THBS3: variants seen among roughly 807,000 people sequenced by gnomAD.
THBS3 encodes the protein thrombospondin 3.
A neutral mutation model predicts 118.3 loss-of-function variants in THBS3; 78 were observed. The observed-to-expected ratio is 0.66, with a 90% confidence interval of 0.55 to 0.80. The LOEUF is 0.80. Among genes scored for constraint, THBS3 ranks in the 30% least tolerant of loss-of-function variants. The pLI is 0.00. For missense variants in THBS3, 1,057 were observed against 1,247.4 expected (o/e 0.85, Z 2.30); for synonymous variants, 427 against 475.3 (o/e 0.90, Z 1.32).
chr1:155,197,128 A>G lies in THBS3; in HGVS notation c.2585T>C (p.Leu862Pro). Residue 862 changes from leucine (L) to proline (P), a missense_variant, in exon 21 of 23, where the codon CTG becomes CCG. Coordinates refer to ENST00000368378, the MANE Select transcript of THBS3 (RefSeq NM_007112.5). This position sits in a 1 kb window ranked among gnomAD's most constrained non-coding sequence, Gnocchi z 5.0. The stretch of plus-strand genomic sequence containing the variant: ...GCCCACATTTCGTGGGTCTGTCCAC[A>G]GCAGTCGTACCTGATCAGGGGTGTG... ...TGHTPDQVRL[L>P]WTDPRNVGWR... The G allele has an allele frequency of 6.2e-7, 1 of 1,614,198 alleles. No individual in the cohort carries two copies. The highest frequency in any genetic ancestry group is 8.5e-7 in the Non-Finnish European group (1 of 1,180,034).
In THBS3 at chr1:155,207,433, G is replaced by A. The variant is rs748785140; in HGVS notation, c.79+365C>T. Among the ~76,000 whole-genome samples, 3 of 152,008 alleles carry A rather than the reference G, an allele frequency of 2.0e-5. No homozygotes were observed. The East Asian group carries it at 5.8e-4, about 29-fold the overall frequency. Reference sequence around the variant, plus strand: ...CCCCGCCCTGTCCTTGGGCAGCCAGGAGCCCAGGGGGACGAAGCCCAGGGA... The same window carrying A: ...CCCCGCCCTGTCCTTGGGCAGCCAGAAGCCCAGGGGGACGAAGCCCAGGGA... On this transcript the variant is annotated intron_variant, in intron 1 of 22. Transcript: ENST00000368378.
rs1669738295 is a variant in THBS3 at position 155,201,596 on chromosome 1, G to A, written c.1177-27C>T. ...TAAGAGTGGAGAGGCAGCATCTTAGGAAGGAGGGTGAGCCCACCAGGCACC... is the reference window on the plus strand; with the variant it reads ...TAAGAGTGGAGAGGCAGCATCTTAGAAAGGAGGGTGAGCCCACCAGGCACC... On this transcript the variant is annotated intron_variant, in intron 10 of 22. Coordinates refer to ENST00000368378, the MANE Select transcript of THBS3 (RefSeq NM_007112.5). The A allele has an allele frequency of 3.7e-6, 6 of 1,605,606 alleles. No homozygotes were observed. In the East Asian group the frequency reaches 1.1e-4, roughly 30 times the overall value.
In THBS3 at chr1:155,197,770, C is replaced by A; in HGVS notation, c.2302+110G>T. The stretch of plus-strand genomic sequence containing the variant: ...TGTATGTGGCCAGCTTGTGCCACTG[C>A]CTTCTCTCTCGCCACTTTGCCCATT... On this transcript the variant is annotated intron_variant, in intron 19 of 22. Transcript: ENST00000368378. The surrounding 1 kb of genome is among the most constrained non-coding windows in gnomAD (Gnocchi z 5.0). 6.3e-7 allele frequency: 1 copy of A among 1,589,074 alleles called. No individual in the cohort carries two copies. The highest frequency in any genetic ancestry group is 1.1e-5 in the South Asian group (1 of 90,334).
intron 16 of THBS3, among the ~76,000 whole-genome samples, chr1:155,199,312 A>C (rs1278073066): frequency 2.0e-5 from 3 of 151,124 alleles, no homozygotes; most frequent in Non-Finnish European, 2.9e-5. Flanking sequence ...TGGGAGGCTG[A>C]GGCAGAAGAA....
Position 155,206,094 on chromosome 1 carries a change from G to A in THBS3, c.286+106C>T, listed in dbSNP as rs868237674. 12 of 1,351,822 alleles carry A rather than the reference G, an allele frequency of 8.9e-6. No individual in the cohort carries two copies. In the Middle Eastern group the frequency reaches 7.8e-4, roughly 88 times the overall value. 83.7% of individuals were successfully genotyped at this position (1,351,822 alleles called of 1,614,324 possible). A position where few individuals can be genotyped will look rare whatever the true frequency, so the allele number is the denominator to read the frequency against. On this transcript the variant is annotated intron_variant, in intron 2 of 22. Transcript: ENST00000368378. This position sits in a 1 kb window ranked among gnomAD's most constrained non-coding sequence, Gnocchi z 4.2. ...CTGGGCACAGCCTGATGGGACCTTG[G>A]TCCCTAGTGGAGGCCAAGGAGAATG... is the stretch of plus-strand genomic sequence containing the variant.
Position 155,197,609 on chromosome 1 carries a change from T to C in THBS3, c.2353A>G (p.Thr785Ala). Reference sequence around the variant, plus strand: ...CCTGCGTAGTCATCATCAGTCACTGTGTTCACATGGAAGGTGCCTTCAAAG... The same window carrying C: ...CCTGCGTAGTCATCATCAGTCACTGCGTTCACATGGAAGGTGCCTTCAAAG... ...VDFEGTFHVN[T>A]VTDDDYAGFL... The change falls in exon 20 of 23, where the codon ACA (threonine) becomes GCA (alanine). Residue 785 changes from threonine to alanine, a missense_variant. This residue lies in a region of THBS3 where 307 missense variants were observed against 326.1 expected (regional missense o/e 0.94). Coordinates refer to ENST00000368378, the MANE Select transcript of THBS3 (RefSeq NM_007112.5). The surrounding 1 kb of genome is among the most constrained non-coding windows in gnomAD (Gnocchi z 5.0). 6.2e-7 allele frequency: 1 copy of C among 1,613,486 alleles called. No individual in the cohort carries two copies. Among genetic ancestry groups the C allele is most frequent in the Non-Finnish European group, 8.5e-7 (1 of 1,179,896 alleles).
rs1668783066 is a variant in THBS3, at chr1:155,197,009, G to A, written c.2672+32C>T. 1 of 1,602,402 alleles carries A rather than the reference G, an allele frequency of 6.2e-7. No individual in the cohort carries two copies. Among genetic ancestry groups the A allele is most frequent in the Non-Finnish European group, 8.5e-7 (1 of 1,171,042 alleles). ...AAGAGGAAGGACAGGCCCGGCCTGA[G>A]TCCCACAGGTGGGCTCAGCCCCTCT... On this transcript the variant is annotated intron_variant, in intron 21 of 22. Transcript: ENST00000368378. The surrounding 1 kb of genome is among the most constrained non-coding windows in gnomAD (Gnocchi z 5.0).
chr1:155,201,337 C>T, intron 11 of THBS3, 80 bp downstream of exon 11: 2 of 1,569,100 alleles, frequency 1.3e-6, no homozygotes, highest in Non-Finnish European at 1.7e-6. Flanking sequence ...CTATGAAGAC[C>T]CCCAACCCAG....
In THBS3 at chr1:155,205,069, C is replaced by A; in HGVS notation, c.534G>T (p.Leu178Phe). 6.2e-7 allele frequency: 1 copy of A among 1,613,484 alleles called. No homozygotes were observed. Among genetic ancestry groups the A allele is most frequent in the Non-Finnish European group, 8.5e-7 (1 of 1,179,610 alleles). The change falls in exon 3 of 23, where the codon TTG becomes TTT. Residue 178 changes from leucine (L) to phenylalanine (F), a missense_variant. By Grantham distance (22) the Leu-to-Phe change is conservative (BLOSUM62 0). Transcript: ENST00000368378. ...GCTCCTCCCGGCTCACCTGCATCCTCAAATACGCCTTCTGTCCAGTCCTAA... is the reference window on the plus strand; with the variant it reads ...GCTCCTCCCGGCTCACCTGCATCCTAAAATACGCCTTCTGTCCAGTCCTAA... ...LEIRTGQKAY[L>F]RMQGFVESMK...
chr1:155,202,728 C>T lies in THBS3; in HGVS notation c.957+84G>A. 3.3e-6 allele frequency: 5 copies of T among 1,521,528 alleles called. No individual in the cohort carries two copies. Among genetic ancestry groups the T allele is most frequent in the Non-Finnish European group, 4.4e-6 (5 of 1,131,416 alleles). The allele number at this position is 1,521,528 out of a possible 1,614,324, so 94.3% of individuals were successfully genotyped here. On this transcript the variant is annotated intron_variant, in intron 8 of 22. Coordinates refer to ENST00000368378, the MANE Select transcript of THBS3 (RefSeq NM_007112.5). This position sits in a 1 kb window ranked among gnomAD's most constrained non-coding sequence, Gnocchi z 5.5. ...AAACTCCAGATTCCTCTCCTCCGGACCAGCATTTATCCCACCCTCTTGGGT... is the reference window on the plus strand; with the variant it reads ...AAACTCCAGATTCCTCTCCTCCGGATCAGCATTTATCCCACCCTCTTGGGT...
At position 155,197,341 on chromosome 1, in the gene THBS3, CG is replaced by C. The variant is rs1395902104; in HGVS notation, c.2499+121del. The C allele has an allele frequency of 6.6e-7, 1 of 1,516,174 alleles. No homozygotes were observed. The highest frequency in any genetic ancestry group is 1.4e-5 in the African/African-American group (1 of 72,804). The allele number at this position is 1,516,174 out of a possible 1,614,324, so 93.9% of individuals were successfully genotyped here. On this transcript the variant is annotated intron_variant, in intron 20 of 22. Coordinates refer to ENST00000368378, the MANE Select transcript of THBS3 (RefSeq NM_007112.5). This position sits in a 1 kb window ranked among gnomAD's most constrained non-coding sequence, Gnocchi z 5.0. ...AAAATGCCCTGGGGCCCCAGAGAGC[CG>C]GCCTCCAAGCCAGATGTCTGGGTAA... is the stretch of plus-strand genomic sequence containing the variant.
At position 155,202,367 on chromosome 1, in the gene THBS3, C is replaced by T. The variant is rs1017086311; in HGVS notation, c.992G>A (p.Ser331Asn). Reference sequence around the variant, plus strand: ...GAAGCCGGGCATGGTGTTGATGCAGCTGGAGCCCGGGAAACAGGGGTCAGC... The same window carrying T: ...GAAGCCGGGCATGGTGTTGATGCAGTTGGAGCCCGGGAAACAGGGGTCAGC... ...AHADPCFPGS[S>N]CINTMPGFHC... Residue 331 changes from serine (S) to asparagine (N), a missense_variant, in exon 9 of 23, where the codon AGC (serine) becomes AAC (asparagine). Transcript: ENST00000368378. The surrounding 1 kb of genome is among the most constrained non-coding windows in gnomAD (Gnocchi z 5.5). 6.2e-7 allele frequency: 1 copy of T among 1,614,056 alleles called. No homozygotes were observed. The highest frequency in any genetic ancestry group is 1.1e-5 in the South Asian group (1 of 91,090).
intron 15 of THBS3, 25 bp from the exon 16 acceptor site, chr1:155,199,881 C>A: frequency 1.2e-6 from 2 of 1,614,184 alleles, no homozygotes; most frequent in Non-Finnish European, 1.7e-6. Context: ...CCTGTTCTCA[C>A]CATCTCCTCT....
chr1:155,209,136 G>A, upstream of THBS3: 2 of 1,540,378 alleles, frequency 1.3e-6, no homozygotes, highest in South Asian at 1.2e-5. Flanking sequence ...GCCTCCCCGG[G>A]GATCTCCCCA....
In THBS3 at chr1:155,201,193, G is replaced by A. The variant is rs1447563045; in HGVS notation, c.1341C>T (p.Gly447=). 1 of 1,613,982 alleles carries A rather than the reference G, an allele frequency of 6.2e-7. No individual in the cohort carries two copies. The highest frequency in any genetic ancestry group is 2.2e-5 in the East Asian group (1 of 44,898). ...CACACACGTTCCCATTCCCAGCCCA[G>A]CCCACGTTACACTAGGGCAACACAA... is the stretch of plus-strand genomic sequence containing the variant. ...NGAVSCQCNV[G]WAGNGNVCGT... is the part of the protein sequence containing the mutation. The change falls in exon 12 of 23, where the codon GGC becomes GGT. Residue 447 remains glycine (G), a synonymous_variant. Coordinates refer to ENST00000368378, the MANE Select transcript of THBS3 (RefSeq NM_007112.5).
At position 155,197,293 on chromosome 1, in the gene THBS3, GA is replaced by G. The variant is rs1196683431; in HGVS notation, c.2500-81del. ...ACAACAGGTCGGTAAGTGCAGGTGG[GA>G]AAGGGATTCAAGGCGGTCATGAAAA... is the stretch of plus-strand genomic sequence containing the variant. On this transcript the variant is annotated intron_variant, in intron 20 of 22. Coordinates refer to ENST00000368378, the MANE Select transcript of THBS3 (RefSeq NM_007112.5). This position sits in a 1 kb window ranked among gnomAD's most constrained non-coding sequence, Gnocchi z 5.0. 2.1e-5 allele frequency: 33 copies of G among 1,567,192 alleles called. No individual in the cohort carries two copies. Among genetic ancestry groups the G allele is most frequent in the African/African-American group, 5.4e-5 (4 of 74,014 alleles).
At position 155,197,422 on chromosome 1, in the gene THBS3, G is replaced by T; in HGVS notation, c.2499+41C>A. The T allele has an allele frequency of 6.3e-7, 1 of 1,598,168 alleles. No homozygotes were observed. On this transcript the variant is annotated intron_variant, in intron 20 of 22. Coordinates refer to ENST00000368378, the MANE Select transcript of THBS3 (RefSeq NM_007112.5). The surrounding 1 kb of genome is among the most constrained non-coding windows in gnomAD (Gnocchi z 5.0). Reference sequence around the variant, plus strand: ...CCCTGGGGCTGCAGAGGAGAGCTTTGGGAAAGGGCCCTGGGTTGCGGAATC... The same window carrying T: ...CCCTGGGGCTGCAGAGGAGAGCTTTTGGAAAGGGCCCTGGGTTGCGGAATC...
At chr1:155,200,393 C>T in intron 14 of THBS3, 58 bp downstream of exon 14, 1 of 1,587,822 alleles carries the variant, frequency 6.3e-7, no homozygotes, top group Admixed American at 1.7e-5. Flanking sequence ...TGCTTCATCC[C>T]CACCTGATCC....
At chr1:155,204,314 G>A (rs1483550070) in intron 4 of THBS3, among the ~76,000 whole-genome samples, 1 of 152,070 alleles carries the variant, frequency 6.6e-6, no homozygotes, top group African/African-American at 2.4e-5. Context: ...ACCAGGCCGG[G>A]CGCGGTGGCT....
Sources: allele counts gnomAD v4.1 joint callset (sites outside exome capture counted in the v4.1 genomes callset), GRCh38; gene constraint gnomAD v4.1.1; regional missense constraint gnomAD v4.1.1; non-coding constraint Gnocchi (gnomAD v3.1); transcripts MANE v1.5; gene names NCBI Gene and HGNC (gene_info 2026-07-23, HGNC 2026-07-21).